Variants in NFILZ observed in about 807,000 individuals in gnomAD.
NFILZ encodes the protein NFIL3 like basic leucine zipper.
At chr19:8,649,581 C>G (rs1490408202) in intron 3 of NFILZ, among the ~76,000 whole-genome samples, 1 of 151,700 alleles carries the variant, frequency 6.6e-6, no homozygotes, top group African/African-American at 2.4e-5. Flanking sequence ...TAAGCATTTT[C>G]AAAGCATAAT....
At chr19:8,666,293 C>T (rs2043061724) in intron 3 of NFILZ, among the ~76,000 whole-genome samples, 1 of 151,816 alleles carries the variant, frequency 6.6e-6, no homozygotes, top group Non-Finnish European at 1.5e-5. Context: ...CATCACAGCT[C>T]ATTGCAACCT....
intron 3 of NFILZ, among the ~76,000 whole-genome samples, chr19:8,653,826 G>A (rs1367340763): frequency 6.6e-6 from 1 of 152,206 alleles, no homozygotes; most frequent in South Asian, 2.1e-4. Flanking sequence ...GGGTGGGAAA[G>A]GTTGGGAGGC....
Position 8,663,754 on chromosome 19 carries a change from G to GTGTGTATGTGTGTGTGTATGTGTGTA in NFILZ, c.-163-10792_-163-10791insATGTGTGTGTGTATGTGTGTATGTGT, listed in dbSNP as rs1475816997. Among the ~76,000 whole-genome samples, 254 of 117,552 alleles carry GTGTGTATGTGTGTGTGTATGTGTGTA rather than the reference G, an allele frequency of 2.2e-3. 6 individuals are homozygous for GTGTGTATGTGTGTGTGTATGTGTGTA. The highest frequency in any genetic ancestry group is 0.01 in the African/African-American group (213 of 20,970). The allele number at this position is 117,552 out of a possible 152,430, so 77.1% of individuals were successfully genotyped here. On this transcript the variant is annotated intron_variant, in intron 3 of 5. Coordinates refer to ENST00000691075, the MANE Select transcript of NFILZ (RefSeq NM_001378600.1). ...TGTGTGTGTGTGTGTGTGTGTGTGT[G>GTGTGTATGTGTGTGTGTATGTGTGTA]TGTGTGTGTGTGTGTGTATGTATGT...
In NFILZ at chr19:8,633,103, C is replaced by T. The variant is rs373600019; in HGVS notation, c.-261+478C>T. On this transcript the variant is annotated intron_variant, in intron 2 of 5. Coordinates refer to ENST00000691075, the MANE Select transcript of NFILZ (RefSeq NM_001378600.1). ...TGGTGTAATCTTGGCTTACTGCACC[C>T]TCTGCCTCCTGGGTTCAAGGGATTC... Among the ~76,000 whole-genome samples the T allele has an allele frequency of 2.3e-4, 35 of 151,060 alleles. No homozygotes were observed. In the South Asian group the frequency reaches 7.3e-3, roughly 32 times the overall value.
intron 3 of NFILZ, among the ~76,000 whole-genome samples, chr19:8,637,486 A>G (rs2042899783): frequency 6.6e-6 from 1 of 150,698 alleles, no homozygotes; most frequent in Non-Finnish European, 1.5e-5. Flanking sequence ...GGCGGTGCAT[A>G]CTTGTAGTCC....
intron 3 of NFILZ, among the ~76,000 whole-genome samples, chr19:8,653,190 C>T (rs2042977460): frequency 6.6e-6 from 1 of 151,734 alleles, no homozygotes; most frequent in Non-Finnish European, 1.5e-5. Flanking sequence ...AAGTGATTCT[C>T]CTGCCTCAGC....
At chr19:8,650,310 C>T (rs941254267) in intron 3 of NFILZ, among the ~76,000 whole-genome samples, 8 of 152,046 alleles carry the variant, frequency 5.3e-5, no homozygotes, top group Non-Finnish European at 8.8e-5. Flanking sequence ...AGTCCAGTGT[C>T]AAGATCAGCA....
chr19:8,644,567 C>T (rs186140287), intron 3 of NFILZ, among the ~76,000 whole-genome samples: 3 of 151,882 alleles, frequency 2.0e-5, no homozygotes, highest in African/African-American at 7.2e-5. Context: ...CTCAAGAGAT[C>T]CTTCTGCCTC....
Position 8,678,028 on chromosome 19 carries a change from C to T in NFILZ, c.*393C>T, listed in dbSNP as rs1555750909. Among the ~76,000 whole-genome samples, 1,358 of 125,302 alleles carry T rather than the reference C, an allele frequency of 0.011. 53 individuals are homozygous for T. Among genetic ancestry groups the T allele is most frequent in the African/African-American group, 0.041 (1,274 of 31,334 alleles). The allele number at this position is 125,302 out of a possible 152,430, so 82.2% of individuals were successfully genotyped here. On this transcript the variant is annotated 3_prime_UTR_variant, in exon 6 of 6. Transcript: ENST00000691075. ...CATTAGTCCCTCCATCCTTATCCAT[C>T]TATCCATCCATCCATCCATCCATCC...
chr19:8,649,849 T>C (rs1317727344), intron 3 of NFILZ, among the ~76,000 whole-genome samples: 1 of 151,648 alleles, frequency 6.6e-6, no homozygotes, highest in African/African-American at 2.4e-5. Context: ...GCGTGGTAGC[T>C]CACGCCTGTA....
At chr19:8,661,423 A>G (rs185007365) in intron 3 of NFILZ, among the ~76,000 whole-genome samples, 67 of 152,116 alleles carry the variant, frequency 4.4e-4, no homozygotes, top group Admixed American at 1.3e-3. Flanking sequence ...AATTGCTTCC[A>G]TATCTGTGCT....
chr19:8,665,220 G>A (rs560308892), intron 3 of NFILZ, among the ~76,000 whole-genome samples: 1 of 152,220 alleles, frequency 6.6e-6, no homozygotes, highest in South Asian at 2.1e-4. Flanking sequence ...GCTTCCTGTA[G>A]GAGGTAGCAT....
chr19:8,668,006 G>A (rs1050737454), intron 3 of NFILZ, among the ~76,000 whole-genome samples: 13 of 151,872 alleles, frequency 8.6e-5, no homozygotes, highest in Non-Finnish European at 1.3e-4. Flanking sequence ...AGGCTGGAGT[G>A]CAGTGACAGT....
chr19:8,645,786 A>C (rs1466986202), intron 3 of NFILZ, among the ~76,000 whole-genome samples: 1 of 152,162 alleles, frequency 6.6e-6, no homozygotes, highest in Non-Finnish European at 1.5e-5. Context: ...GCAGCCAGTG[A>C]TGGCAGAGGA....
chr19:8,641,561 C>T (rs1254421583), intron 3 of NFILZ, among the ~76,000 whole-genome samples: 1 of 152,170 alleles, frequency 6.6e-6, no homozygotes, highest in Non-Finnish European at 1.5e-5. Context: ...TCTGATCTAG[C>T]TTGGTTCTCT....
rs201173435 is a variant in NFILZ, at chr19:8,677,966, A to G, written c.*331A>G. Among the ~76,000 whole-genome samples the G allele has an allele frequency of 6.6e-6, 1 of 151,112 alleles. No homozygotes were observed. The highest frequency in any genetic ancestry group is 2.4e-5 in the African/African-American group (1 of 41,064). ...TTCATCCATTCATCCTCATTTATTCATCCATTCATTCATTCATCAATCCTT... is the reference window on the plus strand; with the variant it reads ...TTCATCCATTCATCCTCATTTATTCGTCCATTCATTCATTCATCAATCCTT... On this transcript the variant is annotated 3_prime_UTR_variant, in exon 6 of 6. Transcript: ENST00000691075.
chr19:8,668,423 A>G lies in NFILZ; in HGVS notation c.-163-6128A>G, dbSNP rs1476804909. On this transcript the variant is annotated intron_variant, in intron 3 of 5. Coordinates refer to ENST00000691075, the MANE Select transcript of NFILZ (RefSeq NM_001378600.1). ...GCTCTAACTGGTTCTTTTTATATCTACATGTTTTTCTTTCATAACCTCCTG... is the reference window on the plus strand; with the variant it reads ...GCTCTAACTGGTTCTTTTTATATCTGCATGTTTTTCTTTCATAACCTCCTG... Among the ~76,000 whole-genome samples, 3 of 152,184 alleles carry G rather than the reference A, an allele frequency of 2.0e-5. No homozygotes were observed. In the East Asian group the frequency reaches 5.8e-4, roughly 29 times the overall value.
chr19:8,668,461 A>C (rs1462705900), intron 3 of NFILZ, among the ~76,000 whole-genome samples: 1 of 152,114 alleles, frequency 6.6e-6, no homozygotes, highest in Non-Finnish European at 1.5e-5. Context: ...CTTGTTTGAC[A>C]GTTGTCATTC....
chr19:8,655,607 G>A (rs2042988666), intron 3 of NFILZ, among the ~76,000 whole-genome samples: 1 of 152,138 alleles, frequency 6.6e-6, no homozygotes, highest in African/African-American at 2.4e-5. Context: ...GGGACTCACC[G>A]GGGAGACAGC....
Sources: gnomAD v4.1 joint callset for allele counts (sites outside exome capture counted in the v4.1 genomes callset) on GRCh38, gnomAD v4.1.1 for gene constraint, MANE v1.5 for transcripts, NCBI Gene and HGNC (gene_info 2026-07-23, HGNC 2026-07-21) for gene names.